Variants in EXT1 observed in about 807,000 individuals in gnomAD.
EXT1 encodes the protein exostosin-1.
Under a neutral mutation model 82.5 loss-of-function variants are expected in EXT1, and 20 were observed. That is an observed-to-expected ratio of 0.24 (90% CI 0.17 to 0.35). The LOEUF is 0.35. Among genes scored for constraint, EXT1 ranks in the 10% least tolerant of loss-of-function variants. The probability of loss-of-function intolerance (pLI) is 1.00; values close to 1 mark genes in which losing one functional copy is unlikely to be tolerated. For synonymous variants in EXT1, 348 were observed against 350.8 expected (o/e 0.99, Z 0.09); for missense variants, 757 against 936.5 (o/e 0.81, Z 2.50).
intron 1 of EXT1, among the ~76,000 whole-genome samples, chr8:117,913,624 T>C (rs186946613): frequency 1.7e-3 from 260 of 152,280 alleles, no homozygotes; most frequent in African/African-American, 6.1e-3. Flanking sequence ...ATGCCATAAA[T>C]GTCATCCTCA....
chr8:117,905,139 G>A (rs941257638), intron 1 of EXT1, among the ~76,000 whole-genome samples: 2 of 152,198 alleles, frequency 1.3e-5, no homozygotes, highest in African/African-American at 2.4e-5. Context: ...CTTGATCAAA[G>A]TGTACTTATA....
chr8:117,887,803 G>A (rs945756452), intron 1 of EXT1, among the ~76,000 whole-genome samples: 1 of 150,610 alleles, frequency 6.6e-6, no homozygotes, highest in Non-Finnish European at 1.5e-5. Flanking sequence ...GCCTCTTCTC[G>A]GGCCTGGCAC....
At chr8:117,989,245 C>G (rs1022959491) in intron 1 of EXT1, among the ~76,000 whole-genome samples, 2 of 151,588 alleles carry the variant, frequency 1.3e-5, no homozygotes, top group African/African-American at 4.8e-5. Flanking sequence ...TTCCTCCCCC[C>G]ACCCCCATCC....
Position 118,110,305 on chromosome 8 carries a change from T to C in EXT1, c.742A>G (p.Arg248Gly). The C allele has an allele frequency of 1.9e-6, 3 of 1,614,056 alleles. No individual in the cohort carries two copies. The highest frequency in any genetic ancestry group is 2.2e-5 in the East Asian group (1 of 44,866). ...SKDHPRTGGE[R>G]GFLKFNTIPP... ...ATGGTGTTGAACTTCAAAAACCCCC[T>C]CTCCCCTCCTGTCCTGGGATGATCC... Residue 248 changes from arginine (R) to glycine (G), a missense_variant, in exon 1 of 11, where the codon AGG becomes GGG. By Grantham distance (125) the Arg-to-Gly change is moderately radical. Coordinates refer to ENST00000378204, the MANE Select transcript of EXT1 (RefSeq NM_000127.3).
rs1001321407 is a variant in EXT1 at position 117,968,814 on chromosome 8, C to T, written c.963-131613G>A. On this transcript the variant is annotated intron_variant, in intron 1 of 10. Transcript: ENST00000378204. The stretch of plus-strand genomic sequence containing the variant: ...TCGATCTCCTGACCTTGTGATCCGC[C>T]CGCCTCGGCCTCCCAAAGTGCTGGG... 4.6e-4 allele frequency among the ~76,000 whole-genome samples: 30 copies of T among 64,628 alleles called. 6 individuals carry two copies. The highest frequency in any genetic ancestry group is 1.5e-3 in the African/African-American group (6 of 3,942). The allele number at this position is 64,628 out of a possible 152,430, so 42.4% of individuals were successfully genotyped here.
intron 1 of EXT1, among the ~76,000 whole-genome samples, chr8:117,949,727 A>G (rs1814455946): frequency 6.6e-6 from 1 of 152,134 alleles, no homozygotes; most frequent in Non-Finnish European, 1.5e-5. Context: ...AAGATTTCAA[A>G]GGGATATTTA....
chr8:117,888,303 T>C (rs1813182794), intron 1 of EXT1, among the ~76,000 whole-genome samples: 1 of 151,988 alleles, frequency 6.6e-6, no homozygotes, highest in East Asian at 1.9e-4. Flanking sequence ...AAAATAAAAA[T>C]GATAGATGAT....
chr8:117,874,569 C>T (rs557781194), intron 1 of EXT1, among the ~76,000 whole-genome samples: 19 of 56,386 alleles, frequency 3.4e-4, no homozygotes, highest in Admixed American at 1.7e-3. Context: ...AAGTGAGACT[C>T]TGCCTCAAAA....
chr8:117,905,462 T>C (rs1376414171), intron 1 of EXT1, among the ~76,000 whole-genome samples: 10 of 152,128 alleles, frequency 6.6e-5, no homozygotes, highest in Non-Finnish European at 1.3e-4. Context: ...GAGGTTGCAG[T>C]GACCTGAAAT....
At chr8:117,905,250 T>G (rs1052639417) in intron 1 of EXT1, among the ~76,000 whole-genome samples, 4 of 152,170 alleles carry the variant, frequency 2.6e-5, no homozygotes, top group African/African-American at 9.7e-5. Flanking sequence ...TCCTGAGCCT[T>G]GGTTTTTCTC....
intron 1 of EXT1, among the ~76,000 whole-genome samples, chr8:118,025,668 G>A (rs1816189235): frequency 1.3e-5 from 2 of 152,226 alleles, no homozygotes; most frequent in African/African-American, 4.8e-5. Flanking sequence ...GAGGCTAAAT[G>A]ATGGGGCTGT....
chr8:118,087,524 G>C (rs1367758812), intron 1 of EXT1, among the ~76,000 whole-genome samples: 1 of 152,072 alleles, frequency 6.6e-6, no homozygotes, highest in African/African-American at 2.4e-5. Flanking sequence ...ACCTAAAAAA[G>C]TCAATAACCA....
In EXT1 at chr8:117,935,866, T is replaced by C. The variant is rs146692094; in HGVS notation, c.963-98665A>G. Among the ~76,000 whole-genome samples, 436 of 152,320 alleles carry C rather than the reference T, an allele frequency of 2.9e-3. 3 individuals are homozygous for C. Among genetic ancestry groups the C allele is most frequent in the South Asian group, 0.014 (67 of 4,826 alleles). Reference sequence around the variant, plus strand: ...ATATAAACACTAAGGGCAGGTATAATATTTAATGAAACCAAATTCTATAAT... The same window carrying C: ...ATATAAACACTAAGGGCAGGTATAACATTTAATGAAACCAAATTCTATAAT... On this transcript the variant is annotated intron_variant, in intron 1 of 10. Coordinates refer to ENST00000378204, the MANE Select transcript of EXT1 (RefSeq NM_000127.3).
At chr8:117,879,017 T>G (rs1026289093) in intron 1 of EXT1, among the ~76,000 whole-genome samples, 8 of 152,226 alleles carry the variant, frequency 5.3e-5, no homozygotes, top group African/African-American at 1.9e-4. Flanking sequence ...AAAATGGCGC[T>G]TAAAGCTTTT....
intron 1 of EXT1, among the ~76,000 whole-genome samples, chr8:117,883,699 A>G (rs1813100392): frequency 6.6e-6 from 1 of 152,224 alleles, no homozygotes; most frequent in African/African-American, 2.4e-5. Flanking sequence ...CAATCCTTGT[A>G]ACGAAGTGCA....
chr8:117,999,542 A>C (rs774361055), intron 1 of EXT1, among the ~76,000 whole-genome samples: 8 of 152,214 alleles, frequency 5.3e-5, no homozygotes, highest in Non-Finnish European at 7.3e-5. Flanking sequence ...ATATCCTCTA[A>C]TATGCTTAAA....
At chr8:118,105,568 A>G (rs998455811) in intron 1 of EXT1, among the ~76,000 whole-genome samples, 3 of 152,220 alleles carry the variant, frequency 2.0e-5, no homozygotes, top group Non-Finnish European at 2.9e-5. Flanking sequence ...GAAAGAGGCG[A>G]GAAAGGAAGG....
intron 1 of EXT1, among the ~76,000 whole-genome samples, chr8:117,890,082 C>T (rs985278418): frequency 1.3e-5 from 2 of 152,184 alleles, no homozygotes; most frequent in Non-Finnish European, 2.9e-5. Context: ...ACATGCAATA[C>T]ATACTGTCTA....
At chr8:118,045,019 G>A (rs191856875) in intron 1 of EXT1, among the ~76,000 whole-genome samples, 4 of 152,302 alleles carry the variant, frequency 2.6e-5, no homozygotes, top group Non-Finnish European at 5.9e-5. Context: ...GCAAAGATAA[G>A]ACGTAAGTCT....
Sources: gnomAD v4.1 joint callset for allele counts (sites outside exome capture counted in the v4.1 genomes callset) on GRCh38, gnomAD v4.1.1 for gene constraint, MANE v1.5 for transcripts, NCBI Gene and HGNC (gene_info 2026-07-23, HGNC 2026-07-21) for gene names.